The following FGF14 variants were observed in gnomAD, a reference collection of about 807,000 sequenced individuals.
FGF14 encodes fibroblast growth factor 14, also known as fibroblast growth factor homologous factor 4.
FGF14 carries 5 observed loss-of-function variants against 25.5 expected under a neutral mutation model. That is an observed-to-expected ratio of 0.20 (90% CI 0.10 to 0.41). FGF14 has a LOEUF of 0.41. Ranked by LOEUF, FGF14 falls within the 10% of genes least tolerant of loss-of-function variation. The pLI is 1.00. For synonymous variants in FGF14, 138 were observed against 118.3 expected, an observed-to-expected ratio of 1.17 and a Z score of -1.08; for missense variants, 222 against 320.1, an observed-to-expected ratio of 0.69 and a Z score of 2.34.
intron 1 of FGF14, among the ~76,000 whole-genome samples, chr13:102,063,133 T>C (rs951588275): frequency 2.6e-5 from 4 of 152,160 alleles, no homozygotes; most frequent in Non-Finnish European, 1.5e-5. Flanking sequence ...TGCTTTGTAT[T>C]CACATAATAT....
intron 1 of FGF14, among the ~76,000 whole-genome samples, chr13:101,996,567 TTG>T (rs2039197842): frequency 2.6e-5 from 4 of 152,104 alleles, no homozygotes; most frequent in Non-Finnish European, 4.4e-5. Context: ...AAAATATAAC[TTG>T]GGTTTTGGCG....
intron 1 of FGF14, among the ~76,000 whole-genome samples, chr13:102,387,654 T>C (rs1210957311): frequency 1.3e-5 from 2 of 152,194 alleles, no homozygotes; most frequent in African/African-American, 4.8e-5. Context: ...TCACAGGGGT[T>C]TGGTGTACAG....
At chr13:102,050,049 G>A (rs1374806983) in intron 1 of FGF14, among the ~76,000 whole-genome samples, 7 of 152,108 alleles carry the variant, frequency 4.6e-5, no homozygotes, top group Admixed American at 4.6e-4. Flanking sequence ...CGTTGTTTCA[G>A]CAACATGCTG....
chr13:101,825,029 C>T (rs1469628187), intron 3 of FGF14, among the ~76,000 whole-genome samples: 1 of 152,170 alleles, frequency 6.6e-6, no homozygotes, highest in African/African-American at 2.4e-5. Flanking sequence ...TTCATATGTC[C>T]TTTGTAATAA....
At chr13:101,990,533 G>C (rs918695206) in intron 1 of FGF14, among the ~76,000 whole-genome samples, 43 of 151,980 alleles carry the variant, frequency 2.8e-4, no homozygotes, top group African/African-American at 1.0e-3. Flanking sequence ...ACTTAGTGAC[G>C]GCCTCAAAGT....
intron 1 of FGF14, among the ~76,000 whole-genome samples, chr13:102,254,645 G>C (rs1461467852): frequency 6.6e-6 from 1 of 152,034 alleles, no homozygotes; most frequent in Non-Finnish European, 1.5e-5. Context: ...TTTGACATTT[G>C]GGGGGCTAAA....
At chr13:102,300,769 G>A (rs767703402) in intron 1 of FGF14, among the ~76,000 whole-genome samples, 1 of 152,036 alleles carries the variant, frequency 6.6e-6, no homozygotes, top group Non-Finnish European at 1.5e-5. Flanking sequence ...TATATCTAAA[G>A]GCAATTATTT....
chr13:102,184,194 G>A (rs2048789942), intron 1 of FGF14, among the ~76,000 whole-genome samples: 1 of 152,110 alleles, frequency 6.6e-6, no homozygotes, highest in Non-Finnish European at 1.5e-5. Flanking sequence ...GGCCAGTACT[G>A]ACTTCCGTTT....
intron 1 of FGF14, among the ~76,000 whole-genome samples, chr13:102,137,631 G>T (rs1236799331): frequency 1.3e-5 from 2 of 152,052 alleles, no homozygotes. Context: ...TTACTTTCCA[G>T]GCATAATAAT....
intron 1 of FGF14, among the ~76,000 whole-genome samples, chr13:102,366,214 TC>T (rs1397950085): frequency 1.3e-5 from 2 of 152,074 alleles, no homozygotes; most frequent in African/African-American, 4.8e-5. Context: ...TACCCAGTCT[TC>T]CCCTCCTGGT....
intron 1 of FGF14, among the ~76,000 whole-genome samples, chr13:101,986,036 G>A (rs1379387867): frequency 6.6e-6 from 1 of 152,044 alleles, no homozygotes; most frequent in Non-Finnish European, 1.5e-5. Flanking sequence ...TCAAGGTTAG[G>A]AAATTAATTT....
intron 1 of FGF14, among the ~76,000 whole-genome samples, chr13:102,279,617 C>A (rs1164008582): frequency 1.3e-5 from 2 of 152,082 alleles, no homozygotes; most frequent in Non-Finnish European, 2.9e-5. Context: ...AAGCACTTTC[C>A]ATATATTTGC....
intron 3 of FGF14, among the ~76,000 whole-genome samples, chr13:101,859,118 C>T (rs3007769): frequency 0.2 from 29,761 of 151,836 alleles, 3,421 homozygotes; most frequent in East Asian, 0.52. Flanking sequence ...ATTTTTTCAG[C>T]GGGGAAAAAA....
At chr13:101,976,258 T>C (rs2037918639) in intron 1 of FGF14, among the ~76,000 whole-genome samples, 1 of 152,188 alleles carries the variant, frequency 6.6e-6, no homozygotes, top group Non-Finnish European at 1.5e-5. Context: ...CAGTTTTTTC[T>C]CTATACCTTA....
chr13:101,732,356 C>T (rs1197719279), intron 3 of FGF14, among the ~76,000 whole-genome samples: 1 of 152,126 alleles, frequency 6.6e-6, no homozygotes, highest in Admixed American at 6.5e-5. Flanking sequence ...TTTTAGAATA[C>T]TAGGCAATTC....
At chr13:102,388,377 TAAC>T (rs560074508) in intron 1 of FGF14, among the ~76,000 whole-genome samples, 79 of 152,306 alleles carry the variant, frequency 5.2e-4, no homozygotes, top group African/African-American at 1.8e-3. Flanking sequence ...CAACTACATG[TAAC>T]AACAACATAA....
intron 1 of FGF14, among the ~76,000 whole-genome samples, chr13:102,294,454 C>A (rs2054593832): frequency 6.6e-6 from 1 of 150,736 alleles, no homozygotes; most frequent in African/African-American, 2.4e-5. Context: ...ATTAGGAAAA[C>A]TACTAGGACT....
At chr13:101,778,247 G>A (rs891459167) in intron 3 of FGF14, among the ~76,000 whole-genome samples, 1 of 151,826 alleles carries the variant, frequency 6.6e-6, no homozygotes, top group Non-Finnish European at 1.5e-5. Flanking sequence ...CATTTTTTTC[G>A]AAATCTCACG....
chr13:101,764,950 C>T (rs186403364), intron 3 of FGF14, among the ~76,000 whole-genome samples: 1 of 152,140 alleles, frequency 6.6e-6, no homozygotes, highest in Non-Finnish European at 1.5e-5. Context: ...GAAAATCACT[C>T]AAGGACTGTA....
Sources: allele counts gnomAD v4.1 joint callset (sites outside exome capture counted in the v4.1 genomes callset), GRCh38; gene constraint gnomAD v4.1.1; transcripts MANE v1.5; gene names NCBI Gene and HGNC (gene_info 2026-07-23, HGNC 2026-07-21).